The following OPCML variants were observed in gnomAD, a reference collection of about 807,000 sequenced individuals.
The protein encoded by OPCML is opioid binding protein/cell adhesion molecule like, also known as opioid-binding protein/cell adhesion molecule.
OPCML carries 13 observed loss-of-function variants against 37.8 expected under a neutral mutation model. That is an observed-to-expected ratio of 0.34 (90% confidence interval 0.22 to 0.55). The LOEUF is 0.55. OPCML is among the 20% of genes least tolerant of loss of function. The probability of loss-of-function intolerance (pLI) is 0.91; values close to 1 mark genes in which losing one functional copy is unlikely to be tolerated. For missense variants in OPCML, 341 were observed against 435.6 expected (o/e 0.78, Z 1.93); for synonymous variants, 176 against 168.8 (o/e 1.04, Z -0.33).
At chr11:133,453,745 G>A (rs890198873) in intron 1 of OPCML, among the ~76,000 whole-genome samples, 5 of 151,992 alleles carry the variant, frequency 3.3e-5, no homozygotes, top group African/African-American at 7.3e-5. Flanking sequence ...CTATCCTCAC[G>A]TGGCACAAGC....
rs75898415 is a variant in OPCML, at chr11:133,189,626, C to A, written c.62-246616G>T. 7.0e-3 allele frequency among the ~76,000 whole-genome samples: 1,070 copies of A among 152,280 alleles called. 15 individuals carry two copies. The highest frequency in any genetic ancestry group is 0.024 in the African/African-American group (993 of 41,534). On this transcript the variant is annotated intron_variant, in intron 1 of 7. Coordinates refer to ENST00000524381, the MANE Select transcript of OPCML (RefSeq NM_001012393.5). ...GATCCTAGCATATCAGATATCTGGTCTACAAAGAGGTTGTGGCCAGGTTTC... is the reference window on the plus strand; with the variant it reads ...GATCCTAGCATATCAGATATCTGGTATACAAAGAGGTTGTGGCCAGGTTTC...
intron 2 of OPCML, among the ~76,000 whole-genome samples, chr11:132,848,997 A>G (rs1477703324): frequency 6.6e-6 from 1 of 152,202 alleles, no homozygotes; most frequent in African/African-American, 2.4e-5. Flanking sequence ...TTCACACACA[A>G]TCACAGTGTT....
intron 2 of OPCML, among the ~76,000 whole-genome samples, chr11:132,794,035 G>A (rs926442925): frequency 2.0e-5 from 3 of 152,196 alleles, no homozygotes; most frequent in African/African-American, 7.2e-5. Context: ...TCTTCTAACT[G>A]TGGATAATTC....
At chr11:133,141,185 G>A (rs146874757) in intron 1 of OPCML, among the ~76,000 whole-genome samples, 1,608 of 152,012 alleles carry the variant, frequency 0.011, 25 homozygotes, top group Non-Finnish European at 0.017. Flanking sequence ...TGAAGGAGAG[G>A]AACAAGGCAG....
chr11:133,281,752 C>T (rs940875020), intron 1 of OPCML, among the ~76,000 whole-genome samples: 8 of 151,686 alleles, frequency 5.3e-5, no homozygotes, highest in East Asian at 1.9e-4. Context: ...ACCAAAATGC[C>T]GGTAGAAATA....
intron 1 of OPCML, among the ~76,000 whole-genome samples, chr11:133,229,479 T>C (rs975643799): frequency 6.6e-6 from 1 of 152,134 alleles, no homozygotes; most frequent in East Asian, 1.9e-4. Flanking sequence ...TTCCTTTTCC[T>C]GCTAAGATTT....
intron 2 of OPCML, among the ~76,000 whole-genome samples, chr11:132,812,118 A>G (rs893044641): frequency 1.3e-5 from 2 of 152,278 alleles, no homozygotes; most frequent in East Asian, 1.9e-4. Flanking sequence ...TTTTAACCCA[A>G]CCTTAGAGAA....
intron 2 of OPCML, among the ~76,000 whole-genome samples, chr11:132,808,369 G>A (rs989404228): frequency 2.6e-5 from 4 of 152,234 alleles, no homozygotes; most frequent in African/African-American, 7.2e-5. Context: ...CTGGCAGTGG[G>A]AACAGAATGT....
intron 3 of OPCML, among the ~76,000 whole-genome samples, chr11:132,574,713 A>G (rs1311042063): frequency 6.6e-6 from 1 of 151,938 alleles, no homozygotes; most frequent in African/African-American, 2.4e-5. Flanking sequence ...ATCTGTGTGC[A>G]TTTGGGATGA....
At chr11:133,292,926 G>T (rs779335933) in intron 1 of OPCML, among the ~76,000 whole-genome samples, 22 of 152,126 alleles carry the variant, frequency 1.4e-4, no homozygotes, top group Non-Finnish European at 2.8e-4. Flanking sequence ...GGGAAGAGAG[G>T]TGTGATATGC....
chr11:133,434,798 GTATATATA>G (rs57835682), intron 1 of OPCML, among the ~76,000 whole-genome samples: 39 of 128,988 alleles, frequency 3.0e-4, no homozygotes, highest in Admixed American at 5.5e-4. Context: ...TTATATATAT[GTATATATA>G]TATATATATA....
In OPCML at chr11:133,243,945, C is replaced by T. The variant is rs144710883; in HGVS notation, c.61+288319G>A. 3.6e-3 allele frequency among the ~76,000 whole-genome samples: 547 copies of T among 152,258 alleles called. 2 individuals are homozygous for T. The highest frequency in any genetic ancestry group is 0.012 in the African/African-American group (517 of 41,556). On this transcript the variant is annotated intron_variant, in intron 1 of 7. Coordinates refer to ENST00000524381, the MANE Select transcript of OPCML (RefSeq NM_001012393.5). ...GAGCTGCAATGTGTGCACACCAAGT[C>T]CTAAAGGCATCGAGGGAGCTGCTTT...
At chr11:133,129,742 C>CAAT (rs1421661086) in intron 1 of OPCML, among the ~76,000 whole-genome samples, 5 of 151,808 alleles carry the variant, frequency 3.3e-5, no homozygotes, top group Admixed American at 2.6e-4. Flanking sequence ...ATCTCTACAA[C>CAAT]AATAATAATA....
chr11:133,123,528 G>A (rs1197312588), intron 1 of OPCML, among the ~76,000 whole-genome samples: 5 of 152,160 alleles, frequency 3.3e-5, no homozygotes, highest in Admixed American at 3.3e-4. Context: ...ACGCCTCCGA[G>A]GGTGACAAGC....
chr11:132,418,855 A>T lies in OPCML; in HGVS notation c.*1338T>A, dbSNP rs1255202938. On this transcript the variant is annotated 3_prime_UTR_variant, in exon 8 of 8. Transcript: ENST00000524381. The stretch of plus-strand genomic sequence containing the variant: ...TTCTTGAAGGGTTGAGAGAAGCATA[A>T]AGGCTGGCACCTTTGTCCTTCAAGT... 1 of 152,684 alleles carries T rather than the reference A, an allele frequency of 6.5e-6. No individual in the cohort carries two copies. The highest frequency in any genetic ancestry group is 1.5e-5 in the Non-Finnish European group (1 of 68,044). The allele number at this position is 152,684 out of a possible 1,614,324, so 9.5% of individuals were successfully genotyped here. A position where few individuals can be genotyped will look rare whatever the true frequency, so the allele number is the denominator to read the frequency against.
chr11:133,023,353 T>G (rs1947489007), intron 1 of OPCML, among the ~76,000 whole-genome samples: 2 of 152,228 alleles, frequency 1.3e-5, no homozygotes, highest in South Asian at 4.1e-4. Context: ...GTGATGGATT[T>G]CTCCATACAG....
chr11:133,215,217 T>TGAGAGA (rs139928448), intron 1 of OPCML, among the ~76,000 whole-genome samples: 1 of 150,826 alleles, frequency 6.6e-6, no homozygotes, highest in African/African-American at 2.4e-5. Context: ...TGTGTGTGTG[T>TGAGAGA]GAGAGAGAGA....
intron 2 of OPCML, among the ~76,000 whole-genome samples, chr11:132,866,029 C>G (rs1389652165): frequency 6.6e-6 from 1 of 151,900 alleles, no homozygotes; most frequent in Non-Finnish European, 1.5e-5. Context: ...CCTTGGAGCA[C>G]TCTTTAGTTC....
chr11:133,136,828 C>CTTGT (rs1949699024), intron 1 of OPCML, among the ~76,000 whole-genome samples: 2 of 126,294 alleles, frequency 1.6e-5, no homozygotes, highest in Non-Finnish European at 3.4e-5. Flanking sequence ...TCTATGTGCA[C>CTTGT]GTGTGTGTGT....
Sources: gnomAD v4.1 joint callset for allele counts (sites outside exome capture counted in the v4.1 genomes callset) on GRCh38, gnomAD v4.1.1 for gene constraint, MANE v1.5 for transcripts, NCBI Gene and HGNC (gene_info 2026-07-23, HGNC 2026-07-21) for gene names.